The following DGKB variants were observed in gnomAD, a reference collection of about 807,000 sequenced individuals.
DGKB encodes the protein diacylglycerol kinase beta, also known as 90 kDa diacylglycerol kinase.
Under a neutral mutation model 114.3 loss-of-function variants are expected in DGKB, and 67 were observed. That is an observed-to-expected ratio of 0.59 (90% CI 0.48 to 0.72). The LOEUF (loss-of-function observed/expected upper bound fraction) is 0.72. DGKB is among the 30% of genes least tolerant of loss of function. DGKB has a pLI of 0.00. For synonymous variants in DGKB, 398 were observed against 323.1 expected (o/e 1.23, Z -2.49); for missense variants, 907 against 975.2 (o/e 0.93, Z 0.93).
intron 1 of DGKB, among the ~76,000 whole-genome samples, chr7:14,874,803 G>T (rs73056908): frequency 6.6e-6 from 1 of 152,028 alleles, no homozygotes; most frequent in Non-Finnish European, 1.5e-5. Flanking sequence ...CCCCCACACA[G>T]ATTTATTAGT....
intron 2 of DGKB, among the ~76,000 whole-genome samples, chr7:14,789,468 C>A (rs183579625): frequency 6.6e-6 from 1 of 152,220 alleles, no homozygotes; most frequent in African/African-American, 2.4e-5. Flanking sequence ...TATAGGGCTA[C>A]CACAGTGTCC....
rs150322064 is a variant in DGKB at position 14,477,446 on chromosome 7, T to A, written c.1835+715A>T. On this transcript the variant is annotated intron_variant, in intron 21 of 25. Transcript: ENST00000402815. ...CTTTGTGAGCTGAATAGAGTGGAAA[T>A]GAGTATAATTGAAGCAAAAGATAAT... is the stretch of plus-strand genomic sequence containing the variant. Among the ~76,000 whole-genome samples the A allele has an allele frequency of 1.7e-4, 26 of 152,240 alleles. No individual in the cohort carries two copies. The East Asian group carries it at 4.8e-3, about 28-fold the overall frequency.
At chr7:14,178,280 A>C (rs2128246237) in intron 23 of DGKB, 129 bp from the exon 24 acceptor site, 1 of 944,160 alleles carries the variant, frequency 1.1e-6, no homozygotes, top group South Asian at 1.7e-5. Flanking sequence ...TTAGAAACTT[A>C]AAGTAATAAA....
intron 4 of DGKB, among the ~76,000 whole-genome samples, chr7:14,749,490 AG>A (rs1338727511): frequency 6.6e-6 from 1 of 152,192 alleles, no homozygotes. Context: ...AGTAAAAAAT[AG>A]GAAATGGCCG....
At chr7:14,597,922 T>G (rs1802872453) in intron 17 of DGKB, among the ~76,000 whole-genome samples, 1 of 152,170 alleles carries the variant, frequency 6.6e-6, no homozygotes, top group East Asian at 1.9e-4. Flanking sequence ...TGATTATAAT[T>G]TATGTGAGCA....
chr7:14,525,174 C>T (rs1790445103), intron 20 of DGKB, among the ~76,000 whole-genome samples: 1 of 152,088 alleles, frequency 6.6e-6, no homozygotes, highest in South Asian at 2.1e-4. Context: ...TTTGGTAACC[C>T]TGTCATGAAC....
intron 23 of DGKB, among the ~76,000 whole-genome samples, chr7:14,210,581 G>A (rs147202881): frequency 6.6e-6 from 1 of 152,194 alleles, no homozygotes; most frequent in East Asian, 1.9e-4. Context: ...ACATGCACCT[G>A]ATTTTCAGAA....
At chr7:14,933,489 T>G (rs943303280) in intron 1 of DGKB, among the ~76,000 whole-genome samples, 1 of 152,188 alleles carries the variant, frequency 6.6e-6, no homozygotes, top group Non-Finnish European at 1.5e-5. Flanking sequence ...GAATGCATTT[T>G]TCATTGACAT....
chr7:14,170,245 G>T (rs1487315721), intron 25 of DGKB, among the ~76,000 whole-genome samples: 6 of 151,888 alleles, frequency 4.0e-5, no homozygotes, highest in Non-Finnish European at 8.8e-5. Context: ...AGGCAGCAAA[G>T]CATCATAATT....
At chr7:14,357,941 G>C (rs1284595380) in intron 21 of DGKB, among the ~76,000 whole-genome samples, 2 of 152,132 alleles carry the variant, frequency 1.3e-5, no homozygotes, top group African/African-American at 4.8e-5. Context: ...CTGGCTTGTA[G>C]AGTTTCTGCA....
chr7:14,659,319 G>A (rs563195011), intron 13 of DGKB, among the ~76,000 whole-genome samples: 23 of 152,004 alleles, frequency 1.5e-4, no homozygotes, highest in Non-Finnish European at 3.2e-4. Context: ...AAATTACCCT[G>A]GGCAGTATGG....
chr7:14,787,917 C>T (rs968487500), intron 2 of DGKB, among the ~76,000 whole-genome samples: 1 of 151,240 alleles, frequency 6.6e-6, no homozygotes, highest in Non-Finnish European at 1.5e-5. Flanking sequence ...AGGAAACTCC[C>T]TCTCACCCAA....
chr7:14,358,334 A>C (rs1814996318), intron 21 of DGKB, among the ~76,000 whole-genome samples: 1 of 151,942 alleles, frequency 6.6e-6, no homozygotes, highest in African/African-American at 2.4e-5. Flanking sequence ...TTATTTCAGT[A>C]ATTTGATCTT....
chr7:14,201,013 G>A (rs1785785460), intron 23 of DGKB, among the ~76,000 whole-genome samples: 3 of 152,006 alleles, frequency 2.0e-5, no homozygotes, highest in Admixed American at 2.0e-4. Flanking sequence ...GGGAGTTGTG[G>A]AAGATGGTTT....
In DGKB at chr7:14,466,175, C is replaced by T. The variant is rs1780443246; in HGVS notation, c.1835+11986G>A. 2.0e-5 allele frequency among the ~76,000 whole-genome samples: 3 copies of T among 152,256 alleles called. No homozygotes were observed. In the South Asian group the frequency reaches 6.2e-4, roughly 32 times the overall value. ...AATGAGGTAATCAAACTGGTCTTAT[C>T]TTTCATTGAAAAATACGAACAAGCG... On this transcript the variant is annotated intron_variant, in intron 21 of 25. Transcript: ENST00000402815.
chr7:14,630,809 T>G (rs750802970), intron 13 of DGKB, among the ~76,000 whole-genome samples: 3 of 152,130 alleles, frequency 2.0e-5, no homozygotes, highest in Non-Finnish European at 4.4e-5. Flanking sequence ...GAGTAATTTT[T>G]TTAAGATGGG....
intron 23 of DGKB, among the ~76,000 whole-genome samples, chr7:14,192,781 TATTACAATGTA>T (rs991877432): frequency 5.1e-4 from 77 of 152,252 alleles, no homozygotes; most frequent in African/African-American, 1.8e-3. Context: ...TTTCATTATG[TATTACAATGTA>T]ATAATACAAC....
intron 1 of DGKB, among the ~76,000 whole-genome samples, chr7:14,972,216 T>C (rs1656738702): frequency 6.6e-6 from 1 of 152,142 alleles, no homozygotes; most frequent in Non-Finnish European, 1.5e-5. Flanking sequence ...TAATGTATCA[T>C]CATACTATAA....
Position 14,146,598 on chromosome 7 carries a change from T to A in DGKB, c.*2533A>T, listed in dbSNP as rs1434426209. Reference sequence around the variant, plus strand: ...GAAGCTGTCATAAAACTGATGAGAATATCTTCTCTGATTTCAAACCCATCA... The same window carrying A: ...GAAGCTGTCATAAAACTGATGAGAAAATCTTCTCTGATTTCAAACCCATCA... On this transcript the variant is annotated 3_prime_UTR_variant, in exon 26 of 26. Coordinates refer to ENST00000402815, the MANE Select transcript of DGKB (RefSeq NM_001350709.2). 6.6e-6 allele frequency: 1 copy of A among 152,166 alleles called. No homozygotes were observed. 9.4% of individuals were successfully genotyped at this position (152,166 alleles called of 1,614,324 possible).
Sources: allele counts gnomAD v4.1 joint callset (sites outside exome capture counted in the v4.1 genomes callset), GRCh38; gene constraint gnomAD v4.1.1; transcripts MANE v1.5; gene names NCBI Gene and HGNC (gene_info 2026-07-23, HGNC 2026-07-21).